GPC5: variants seen among roughly 807,000 people sequenced by gnomAD.
GPC5 encodes the protein glypican 5, also known as glypican-5.
GPC5 carries 47 observed loss-of-function variants against 53.9 expected under a neutral mutation model. That is an observed-to-expected ratio of 0.87 (90% CI 0.69 to 1.11). GPC5 has a LOEUF of 1.11. GPC5 is among the 50% of genes most tolerant of loss of function. The pLI, the probability that GPC5 is intolerant of heterozygous loss-of-function variation, is 0.00. For synonymous variants in GPC5, 286 were observed against 263.3 expected, an observed-to-expected ratio of 1.09 and a Z score of -0.84; for missense variants, 748 against 713.1, an observed-to-expected ratio of 1.05 and a Z score of -0.56.
intron 3 of GPC5, among the ~76,000 whole-genome samples, chr13:91,718,936 A>G (rs555963073): frequency 6.6e-6 from 1 of 152,220 alleles, no homozygotes; most frequent in African/African-American, 2.4e-5. Flanking sequence ...TAGAAATTCT[A>G]CCTCCCTAAC....
At chr13:92,221,084 G>T (rs929356781) in intron 7 of GPC5, among the ~76,000 whole-genome samples, 1 of 152,100 alleles carries the variant, frequency 6.6e-6, no homozygotes, top group Non-Finnish European at 1.5e-5. Flanking sequence ...ACAGGAGAGG[G>T]GTGGTCACTC....
At chr13:91,454,983 G>A (rs1470109821) in intron 2 of GPC5, among the ~76,000 whole-genome samples, 4 of 151,992 alleles carry the variant, frequency 2.6e-5, no homozygotes, top group African/African-American at 7.2e-5. Context: ...GTAAAGGACA[G>A]GACATTTGGG....
chr13:92,403,214 T>C (rs1162123304), intron 7 of GPC5, among the ~76,000 whole-genome samples: 4 of 152,200 alleles, frequency 2.6e-5, no homozygotes, highest in African/African-American at 9.6e-5. Flanking sequence ...GGTGGATGTT[T>C]AAGGATTTAA....
At chr13:92,744,570 G>T (rs1889194551) in intron 7 of GPC5, among the ~76,000 whole-genome samples, 1 of 151,738 alleles carries the variant, frequency 6.6e-6, no homozygotes, top group South Asian at 2.1e-4. Flanking sequence ...GCACACAGAG[G>T]TATCTAAAAA....
rs565719652 is a variant in GPC5, at chr13:91,536,551, A to T, written c.325+87629A>T. 3.2e-4 allele frequency among the ~76,000 whole-genome samples: 48 copies of T among 152,350 alleles called. 1 individual carries two copies. In the South Asian group the frequency reaches 8.9e-3, roughly 28 times the overall value. ...TCACAGTACTGGAGGTTAAAAGTCC[A>T]AAACCAAGGTGTCAGCAGGCTTGGT... On this transcript the variant is annotated intron_variant, in intron 2 of 7. Coordinates refer to ENST00000377067, the MANE Select transcript of GPC5 (RefSeq NM_004466.6).
intron 6 of GPC5, among the ~76,000 whole-genome samples, chr13:91,976,651 A>G (rs780705216): frequency 2.0e-5 from 3 of 152,212 alleles, no homozygotes; most frequent in African/African-American, 7.2e-5. Context: ...GGATGCAGTG[A>G]TCTGGCGAGT....
chr13:92,678,372 C>T (rs994290935), intron 7 of GPC5, among the ~76,000 whole-genome samples: 1 of 152,148 alleles, frequency 6.6e-6, no homozygotes, highest in African/African-American at 2.4e-5. Context: ...ATAAAGAGTT[C>T]TGGACATGGG....
At chr13:92,692,546 G>C (rs1160289202) in intron 7 of GPC5, among the ~76,000 whole-genome samples, 1 of 122,746 alleles carries the variant, frequency 8.1e-6, no homozygotes, top group Non-Finnish European at 1.7e-5. Context: ...GGGGGGAGGG[G>C]GGAGGGATAG....
intron 7 of GPC5, among the ~76,000 whole-genome samples, chr13:92,351,336 A>G (rs2043475545): frequency 6.6e-6 from 1 of 151,856 alleles, no homozygotes; most frequent in South Asian, 2.1e-4. Flanking sequence ...ACACTTTTGA[A>G]ATAACACAAT....
chr13:92,126,063 TC>T (rs1440253880), intron 6 of GPC5, among the ~76,000 whole-genome samples: 1 of 148,744 alleles, frequency 6.7e-6, no homozygotes, highest in East Asian at 2.1e-4. Flanking sequence ...GGAGTGATTC[TC>T]CTGCCTCAGC....
chr13:92,376,454 C>T (rs1425687197), intron 7 of GPC5, among the ~76,000 whole-genome samples: 1 of 152,186 alleles, frequency 6.6e-6, no homozygotes, highest in South Asian at 2.1e-4. Flanking sequence ...ACTTTGTTTC[C>T]AAAGCATCCC....
At chr13:92,126,943 C>G (rs1024874619) in intron 6 of GPC5, among the ~76,000 whole-genome samples, 48 of 152,042 alleles carry the variant, frequency 3.2e-4, no homozygotes, top group African/African-American at 1.0e-3. Flanking sequence ...TGACAGTTTC[C>G]TCCATCAATA....
At chr13:92,707,398 T>C (rs948234127) in intron 7 of GPC5, among the ~76,000 whole-genome samples, 3 of 152,106 alleles carry the variant, frequency 2.0e-5, no homozygotes, top group African/African-American at 7.2e-5. Flanking sequence ...ACTCACCTTT[T>C]GAGCCTATAC....
intron 6 of GPC5, among the ~76,000 whole-genome samples, chr13:91,971,677 A>G (rs368013703): frequency 1.6e-3 from 236 of 151,972 alleles, no homozygotes; most frequent in Non-Finnish European, 2.5e-3. Flanking sequence ...CTTTGTTCTC[A>G]TTGGTTTCAA....
chr13:91,589,904 T>C (rs548493781), intron 2 of GPC5, among the ~76,000 whole-genome samples: 1 of 152,164 alleles, frequency 6.6e-6, no homozygotes, highest in African/African-American at 2.4e-5. Flanking sequence ...GTATCTTCTA[T>C]GGAGAAATTA....
At chr13:92,531,712 C>G (rs1489385491) in intron 7 of GPC5, among the ~76,000 whole-genome samples, 1 of 152,150 alleles carries the variant, frequency 6.6e-6, no homozygotes, top group Non-Finnish European at 1.5e-5. Context: ...CCTCTGTTGA[C>G]AACGAAGACT....
chr13:91,727,280 G>T (rs545175340), intron 3 of GPC5, among the ~76,000 whole-genome samples: 1 of 152,116 alleles, frequency 6.6e-6, no homozygotes, highest in Non-Finnish European at 1.5e-5. Flanking sequence ...GTCTCATCCC[G>T]ATGGATAGTA....
rs115690898 is a variant in GPC5 at position 92,192,003 on chromosome 13, G to A, written c.1561+47014G>A. The stretch of plus-strand genomic sequence containing the variant: ...TTACAAATCAAACCATTGTAAATTA[G>A]GGACTGTCTGTATATAATATTCTGG... On this transcript the variant is annotated intron_variant, in intron 7 of 7. Transcript: ENST00000377067. 2.1e-3 allele frequency among the ~76,000 whole-genome samples: 318 copies of A among 152,276 alleles called. 2 individuals carry two copies. Among genetic ancestry groups the A allele is most frequent in the African/African-American group, 7.4e-3 (306 of 41,558 alleles).
chr13:91,950,551 G>A (rs1334187907), intron 6 of GPC5, among the ~76,000 whole-genome samples: 1 of 152,022 alleles, frequency 6.6e-6, no homozygotes, highest in African/African-American at 2.4e-5. Flanking sequence ...TGTGACCTTG[G>A]ACATATCCCT....
Sources: gnomAD v4.1 joint callset for allele counts (sites outside exome capture counted in the v4.1 genomes callset) on GRCh38, gnomAD v4.1.1 for gene constraint, MANE v1.5 for transcripts, NCBI Gene and HGNC (gene_info 2026-07-23, HGNC 2026-07-21) for gene names.